TRPM3: variants seen among roughly 807,000 people sequenced by gnomAD.
TRPM3 encodes transient receptor potential cation channel subfamily M member 3.
A neutral mutation model predicts 181.2 loss-of-function variants in TRPM3; 77 were observed. The ratio of observed to expected loss-of-function variants is 0.42; its 90% confidence interval spans 0.35 to 0.51. TRPM3 has a LOEUF of 0.51. Ranked by LOEUF, TRPM3 falls within the 20% of genes least tolerant of loss-of-function variation. TRPM3 has a pLI of 0.01. For synonymous variants in TRPM3, 745 were observed against 796.4 expected, an observed-to-expected ratio of 0.94 and a Z score of 1.09; for missense variants, 1,759 against 2,196.7, an observed-to-expected ratio of 0.80 and a Z score of 3.98.
intron 1 of TRPM3, among the ~76,000 whole-genome samples, chr9:70,907,047 A>G (rs1206290840): frequency 3.3e-5 from 5 of 152,256 alleles, no homozygotes; most frequent in Admixed American, 6.5e-5. Flanking sequence ...CTTGAGATTT[A>G]TATTACCTTA....
chr9:70,738,330 A>C (rs2073234451), intron 8 of TRPM3, among the ~76,000 whole-genome samples: 1 of 152,194 alleles, frequency 6.6e-6, no homozygotes, highest in South Asian at 2.1e-4. Flanking sequence ...GCGCACCAGC[A>C]TGTCACATGT....
rs535602032 is a variant in TRPM3, at chr9:70,652,736, G to T, written c.1346-12076C>A. ...TCTCCCCTCAAAGTAGAAAATAGTT[G>T]CCAGAAGAAGTGGATAAGGTCAACA... On this transcript the variant is annotated intron_variant, in intron 9 of 25. Coordinates refer to ENST00000677713, the MANE Select transcript of TRPM3 (RefSeq NM_001366145.2). Among the ~76,000 whole-genome samples, 8 of 152,272 alleles carry T rather than the reference G, an allele frequency of 5.3e-5. No homozygotes were observed. The South Asian group carries it at 1.7e-3, about 32-fold the overall frequency.
rs182463269 is a variant in TRPM3 at position 70,662,437 on chromosome 9, A to G, written c.1345+19069T>C. Among the ~76,000 whole-genome samples, 396 of 152,140 alleles carry G rather than the reference A, an allele frequency of 2.6e-3. 1 individual carries two copies. The highest frequency in any genetic ancestry group is 8.6e-3 in the African/African-American group (358 of 41,556). On this transcript the variant is annotated intron_variant, in intron 9 of 25. Transcript: ENST00000677713. ...ATAAATTGCTTCTTCATAGCAAAAG[A>G]AATTACAGAGTAAACAGACAACCCA...
chr9:70,571,533 T>C (rs1182714677), intron 22 of TRPM3, among the ~76,000 whole-genome samples: 1 of 152,108 alleles, frequency 6.6e-6, no homozygotes, highest in Non-Finnish European at 1.5e-5. Context: ...ACCAATTAAG[T>C]TAAATGTGAA....
At chr9:70,787,974 C>T (rs1214496738) in intron 6 of TRPM3, among the ~76,000 whole-genome samples, 2 of 150,222 alleles carry the variant, frequency 1.3e-5, no homozygotes, top group African/African-American at 2.4e-5. Context: ...CCCTTGTCCC[C>T]GCTACCAGCT....
intron 1 of TRPM3, among the ~76,000 whole-genome samples, chr9:71,045,626 A>T (rs1007635090): frequency 1.3e-5 from 2 of 152,216 alleles, no homozygotes; most frequent in Non-Finnish European, 1.5e-5. Flanking sequence ...GATGAGGCAT[A>T]AAAAATGCAG....
chr9:70,891,733 C>T (rs886465096), intron 1 of TRPM3, among the ~76,000 whole-genome samples: 3 of 152,132 alleles, frequency 2.0e-5, no homozygotes, highest in Non-Finnish European at 4.4e-5. Flanking sequence ...GTATTATGTA[C>T]CATGAGCCAC....
rs964352229 is a variant in TRPM3, at chr9:71,247,641, A to T, written c.183+199012T>A. Among the ~76,000 whole-genome samples, 7 of 152,146 alleles carry T rather than the reference A, an allele frequency of 4.6e-5. No homozygotes were observed. In the East Asian group the frequency reaches 9.7e-4, roughly 21 times the overall value. On this transcript the variant is annotated intron_variant, in intron 1 of 24. Transcript: ENST00000357533. ...ACTCAGAGATGTCAAAGAGAAGATT[A>T]GTTGATGAAATTCATATGAGCTGAA...
At chr9:70,623,703 T>C (rs1370716941) in intron 14 of TRPM3, among the ~76,000 whole-genome samples, 5 of 152,224 alleles carry the variant, frequency 3.3e-5, no homozygotes, top group Admixed American at 6.5e-5. Context: ...GTCTAAAAAA[T>C]GATTAACTTT....
chr9:71,198,395 C>G lies in TRPM3; in HGVS notation c.183+248258G>C, dbSNP rs147989433. 1.4e-3 allele frequency among the ~76,000 whole-genome samples: 215 copies of G among 152,228 alleles called. 3 individuals carry two copies. The highest frequency in any genetic ancestry group is 4.6e-3 in the African/African-American group (192 of 41,546). Reference sequence around the variant, plus strand: ...CATATGAACTTTAAAGTAGCTTTTTCTAATTCTGTGAAGAAAGTCATTGGT... The same window carrying G: ...CATATGAACTTTAAAGTAGCTTTTTGTAATTCTGTGAAGAAAGTCATTGGT... On this transcript the variant is annotated intron_variant, in intron 1 of 24. Transcript: ENST00000357533.
chr9:71,076,593 A>G (rs2133654269), intron 1 of TRPM3, among the ~76,000 whole-genome samples: 1 of 152,338 alleles, frequency 6.6e-6, no homozygotes, highest in East Asian at 1.9e-4. Context: ...AAAGCGTTTG[A>G]CAAGATTGTA....
At chr9:70,680,134 G>C (rs1216893176) in intron 9 of TRPM3, among the ~76,000 whole-genome samples, 1 of 152,176 alleles carries the variant, frequency 6.6e-6, no homozygotes, top group Non-Finnish European at 1.5e-5. Flanking sequence ...AATTAGTATT[G>C]TCAGAGGGGT....
intron 1 of TRPM3, among the ~76,000 whole-genome samples, chr9:70,933,190 G>T (rs1246822562): frequency 2.6e-5 from 4 of 152,128 alleles, no homozygotes; most frequent in African/African-American, 9.7e-5. Flanking sequence ...AGATATTAAG[G>T]TAGAGATATC....
At chr9:70,947,806 G>A (rs1054411369) in intron 1 of TRPM3, among the ~76,000 whole-genome samples, 13 of 152,242 alleles carry the variant, frequency 8.5e-5, no homozygotes, top group African/African-American at 2.9e-4. Context: ...GAAAGCCTCT[G>A]GGTATTTTCC....
Position 70,535,612 on chromosome 9 carries a change from T to G in TRPM3, c.*341A>C. 4.1e-6 allele frequency: 6 copies of G among 1,472,142 alleles called. No individual in the cohort carries two copies. The highest frequency in any genetic ancestry group is 5.4e-6 in the Non-Finnish European group (6 of 1,118,404). The allele number at this position is 1,472,142 out of a possible 1,614,324, so 91.2% of individuals were successfully genotyped here. On this transcript the variant is annotated 3_prime_UTR_variant, in exon 26 of 26. Transcript: ENST00000677713. ...AGAAATCAACAGATGCCTCCTGGCA[T>G]GGAGCGTGCTCGAAGCCCCTTGTTT...
chr9:70,821,168 C>T (rs938643422), intron 6 of TRPM3, among the ~76,000 whole-genome samples: 4 of 152,120 alleles, frequency 2.6e-5, no homozygotes, highest in Non-Finnish European at 5.9e-5. Context: ...CATGATGCTG[C>T]TACTGAGTTA....
intron 1 of TRPM3, among the ~76,000 whole-genome samples, chr9:71,276,192 G>A (rs10429567): frequency 0.5 from 76,205 of 151,478 alleles, 19,204 homozygotes; most frequent in African/African-American, 0.55. Context: ...GACTACATAC[G>A]TGGCAAAAAA....
intron 8 of TRPM3, among the ~76,000 whole-genome samples, chr9:70,747,853 G>A (rs1460213648): frequency 6.6e-6 from 1 of 152,090 alleles, no homozygotes; most frequent in Non-Finnish European, 1.5e-5. Context: ...GTCTAGGCAA[G>A]GAAGAATGAG....
chr9:71,180,324 T>C (rs1379397088), intron 1 of TRPM3, among the ~76,000 whole-genome samples: 1 of 152,080 alleles, frequency 6.6e-6, no homozygotes, highest in African/African-American at 2.4e-5. Context: ...CAAAGGGCTG[T>C]GATTACAGGC....
Sources: gnomAD v4.1 joint callset for allele counts (sites outside exome capture counted in the v4.1 genomes callset) on GRCh38, gnomAD v4.1.1 for gene constraint, MANE v1.5 for transcripts, NCBI Gene and HGNC (gene_info 2026-07-23, HGNC 2026-07-21) for gene names.